Variants in NREP observed in about 807,000 individuals in gnomAD.
The protein encoded by NREP is neuronal regeneration-related protein.
In NREP, 5 loss-of-function variants were observed where a neutral mutation model predicts 8.6. That is an observed-to-expected ratio of 0.58 (90% confidence interval 0.30 to 1.22). The LOEUF is 1.22. Ranked by LOEUF, NREP falls within the 50% of genes most tolerant of loss-of-function variation. NREP has a pLI of 0.07. For missense variants in NREP, 86 were observed against 82.5 expected, an observed-to-expected ratio of 1.04 and a Z score of -0.17; for synonymous variants, 27 against 28.0, an observed-to-expected ratio of 0.96 and a Z score of 0.11.
At chr5:111,937,452 A>C (rs1311091083) in intron 2 of NREP, among the ~76,000 whole-genome samples, 1 of 151,990 alleles carries the variant, frequency 6.6e-6, no homozygotes, top group African/African-American at 2.4e-5. Context: ...TGTATTTTTC[A>C]AATACTAATT....
At position 111,826,102 on chromosome 5, in the gene NREP, C is replaced by T. The variant is rs561554039; in HGVS notation, c.136-90595G>A. On this transcript the variant is annotated intron_variant, in intron 2 of 3. Coordinates refer to the NREP transcript ENST00000395634. ...CCAGTGAGAGGTGAAGCCACCTGGG[C>T]TTCTGGGTCACGTGGGGACTTGGAG... 3.9e-5 allele frequency among the ~76,000 whole-genome samples: 6 copies of T among 152,212 alleles called. No homozygotes were observed. The East Asian group carries it at 1.2e-3, about 29-fold the overall frequency.
At chr5:111,775,377 G>GGGAGATTGCCAGGCACTCA in intron 2 of NREP, among the ~76,000 whole-genome samples, 1 of 152,140 alleles carries the variant, frequency 6.6e-6, no homozygotes, top group Non-Finnish European at 1.5e-5. Context: ...CCCTAGGGTA[G>GGGAGATTGCCAGGCACTCA]CAGGAGGCAG....
chr5:111,872,053 TATAA>T (rs1345494412), intron 2 of NREP, among the ~76,000 whole-genome samples: 2 of 150,904 alleles, frequency 1.3e-5, no homozygotes, highest in East Asian at 1.9e-4. Context: ...ATATAGCATA[TATAA>T]ATAAATATAT....
chr5:111,761,134 C>G (rs1428284060), upstream of NREP, among the ~76,000 whole-genome samples: 1 of 152,114 alleles, frequency 6.6e-6, no homozygotes, highest in Non-Finnish European at 1.5e-5. Context: ...ACCATAGTGC[C>G]AAATTGTTGT....
chr5:111,973,509 G>T (rs188456067), intron 2 of NREP, among the ~76,000 whole-genome samples: 1 of 152,298 alleles, frequency 6.6e-6, no homozygotes, highest in Non-Finnish European at 1.5e-5. Flanking sequence ...CCAGTCAAAA[G>T]TCTTGCATCC....
At chr5:111,953,862 T>C (rs35303575) in intron 2 of NREP, among the ~76,000 whole-genome samples, 57,777 of 151,860 alleles carry the variant, frequency 0.38, 11,400 homozygotes, top group South Asian at 0.58. Flanking sequence ...ATATGTAATA[T>C]ATTTAGGGAA....
At chr5:111,929,122 T>C (rs73787736) in intron 2 of NREP, among the ~76,000 whole-genome samples, 2,000 of 152,224 alleles carry the variant, frequency 0.013, 23 homozygotes, top group South Asian at 0.037. Flanking sequence ...ACTTAGTAAA[T>C]GGTACTAATA....
upstream of NREP, among the ~76,000 whole-genome samples, chr5:111,761,891 A>G (rs1392761606): frequency 6.6e-6 from 1 of 152,234 alleles, no homozygotes; most frequent in African/African-American, 2.4e-5. Flanking sequence ...TGTGAATGCT[A>G]TTCTTAAAGT....
intron 2 of NREP, among the ~76,000 whole-genome samples, chr5:111,816,982 T>C (rs148901132): frequency 1.4e-4 from 21 of 152,230 alleles, no homozygotes; most frequent in Non-Finnish European, 2.4e-4. Context: ...AAAATTATAA[T>C]AGGAATTTGG....
At chr5:111,935,448 C>T (rs973807410) in intron 2 of NREP, among the ~76,000 whole-genome samples, 3 of 151,996 alleles carry the variant, frequency 2.0e-5, no homozygotes, top group African/African-American at 7.2e-5. Flanking sequence ...TGTACCCCTG[C>T]AGGGAGGCAT....
intron 2 of NREP, among the ~76,000 whole-genome samples, chr5:111,765,751 T>C (rs1751067181): frequency 1.3e-5 from 2 of 152,232 alleles, no homozygotes; most frequent in Admixed American, 6.5e-5. Context: ...TCTTTATTTC[T>C]TGGCTTCACT....
intron 1 of NREP, 156 bp from the exon 2 acceptor site, chr5:111,755,986 T>G: frequency 7.0e-7 from 1 of 1,426,420 alleles, no homozygotes; most frequent in Non-Finnish European, 9.2e-7. Flanking sequence ...CTGAAAGAGC[T>G]TTCCAAGTGG....
intron 2 of NREP, among the ~76,000 whole-genome samples, chr5:111,914,856 C>T (rs1181243357): frequency 2.0e-5 from 3 of 152,102 alleles, no homozygotes; most frequent in Non-Finnish European, 4.4e-5. Flanking sequence ...GCAATTTTAT[C>T]TGATATGAAC....
chr5:111,804,884 C>T (rs1398362820), intron 2 of NREP, among the ~76,000 whole-genome samples: 1 of 152,060 alleles, frequency 6.6e-6, no homozygotes, highest in East Asian at 1.9e-4. Flanking sequence ...GCCTGCAGGC[C>T]CAGCTACTGG....
chr5:111,865,407 T>C (rs994146350), intron 2 of NREP, among the ~76,000 whole-genome samples: 3 of 151,986 alleles, frequency 2.0e-5, no homozygotes, highest in African/African-American at 7.2e-5. Flanking sequence ...CATGGGAGGG[T>C]TGTAGCTCTT....
intron 2 of NREP, among the ~76,000 whole-genome samples, chr5:111,892,415 A>C (rs993946938): frequency 2.6e-5 from 4 of 152,224 alleles, no homozygotes; most frequent in Non-Finnish European, 5.9e-5. Context: ...AGAATGTACT[A>C]AAAGAGAGTC....
intron 2 of NREP, among the ~76,000 whole-genome samples, chr5:111,800,538 C>T (rs1751980572): frequency 6.6e-6 from 1 of 152,182 alleles, no homozygotes; most frequent in African/African-American, 2.4e-5. Context: ...GTGTGGCATG[C>T]CATTCCAGTC....
At chr5:111,910,147 G>T (rs922031634) in intron 2 of NREP, among the ~76,000 whole-genome samples, 1 of 152,002 alleles carries the variant, frequency 6.6e-6, no homozygotes, top group East Asian at 1.9e-4. Flanking sequence ...TCCTCAGCAA[G>T]CCACATTTAC....
upstream of NREP, chr5:111,757,832 G>A: frequency 1.0e-6 from 1 of 966,238 alleles, no homozygotes; most frequent in Non-Finnish European, 1.2e-6. Context: ...TAAGGAGGTG[G>A]AGGAGGCGGT....
Sources: allele counts gnomAD v4.1 joint callset (sites outside exome capture counted in the v4.1 genomes callset), GRCh38; gene constraint gnomAD v4.1.1; transcripts MANE v1.5; gene names NCBI Gene and HGNC (gene_info 2026-07-23, HGNC 2026-07-21).